Variants in MAP7D2 observed in about 807,000 individuals in gnomAD.
MAP7D2 encodes MAP7 domain-containing protein 2.
MAP7D2 carries 33 observed loss-of-function variants against 63.5 expected under a neutral mutation model. The ratio of observed to expected loss-of-function variants is 0.52; its 90% CI spans 0.39 to 0.70. The LOEUF (loss-of-function observed/expected upper bound fraction) is 0.70, where lower values mean the gene tolerates loss of function less well. Among genes scored for constraint, MAP7D2 ranks in the 30% least tolerant of loss-of-function variants. The pLI is 0.00. For synonymous variants in MAP7D2, 224 were observed against 223.7 expected (o/e 1.00, Z -0.01); for missense variants, 626 against 604.0 (o/e 1.04, Z -0.38).
intron 4 of MAP7D2, among the ~76,000 whole-genome samples, chrX:20,054,292 A>G (rs2037720882): frequency 8.9e-6 from 1 of 112,509 alleles, no homozygotes; most frequent in South Asian, 3.6e-4. Flanking sequence ...AAAACTAAAC[A>G]TTAGAAATTA....
At position 20,056,607 on chromosome X, in the gene MAP7D2, G is replaced by A. The variant is rs1173562210; in HGVS notation, c.484+73C>T. 7.0e-6 allele frequency: 6 copies of A among 861,730 alleles called. No individual in the cohort carries two copies. In the East Asian group the frequency reaches 1.9e-4, roughly 27 times the overall value. The allele number at this position is 861,730 out of a possible 1,213,427, so 71.0% of individuals were successfully genotyped here. On this transcript the variant is annotated intron_variant, in intron 4 of 16. Coordinates refer to ENST00000379643, the MANE Select transcript of MAP7D2 (RefSeq NM_001168465.2). ...CCCCAGATCCTGGAGACACCCAGTG[G>A]TGCCCATAATCCCCTGCCTGCTCCA...
At chrX:20,018,212 T>A (rs754356628) in intron 10 of MAP7D2, among the ~76,000 whole-genome samples, 165 of 110,239 alleles carry the variant, frequency 1.5e-3, no homozygotes, top group Non-Finnish European at 2.6e-3. Context: ...GTGATCTGCC[T>A]GCCTCGGCCT....
intron 10 of MAP7D2, among the ~76,000 whole-genome samples, chrX:20,020,337 C>T: frequency 9.0e-6 from 1 of 111,485 alleles, no homozygotes; most frequent in Non-Finnish European, 1.9e-5. Context: ...AGCAACCCTC[C>T]TCAGTCCTCT....
At chrX:20,056,082 A>T (rs2065062392) in intron 4 of MAP7D2, among the ~76,000 whole-genome samples, 1 of 111,943 alleles carries the variant, frequency 8.9e-6, no homozygotes, top group African/African-American at 3.3e-5. Flanking sequence ...TGCATAATAG[A>T]ATGCTAAGAT....
intron 5 of MAP7D2, among the ~76,000 whole-genome samples, chrX:20,051,556 C>CAAAA (rs199664149): frequency 9.8e-6 from 1 of 102,521 alleles, no homozygotes; most frequent in Non-Finnish European, 2.0e-5. Context: ...AAAAAAAAAA[C>CAAAA]AAACAAAAAA....
chrX:20,047,173 G>A (rs755982152), intron 6 of MAP7D2, among the ~76,000 whole-genome samples: 4 of 112,504 alleles, frequency 3.6e-5, no homozygotes, highest in South Asian at 3.6e-4. Flanking sequence ...TCAGGCAGCC[G>A]CCATAAAACC....
chrX:20,050,762 C>T (rs1400387178), intron 6 of MAP7D2, 62 bp downstream of exon 6: 22 of 1,098,682 alleles, frequency 2.0e-5, no homozygotes, highest in Non-Finnish European at 2.6e-5. Context: ...AGGAGTAAAT[C>T]CTAGGCTGAC....
intron 16 of MAP7D2, among the ~76,000 whole-genome samples, chrX:20,009,287 T>C (rs114190311): frequency 0.026 from 2,971 of 112,158 alleles, 112 homozygotes; most frequent in African/African-American, 0.092. Flanking sequence ...TGGACTGTTA[T>C]TTTGGCCAGT....
intron 8 of MAP7D2, among the ~76,000 whole-genome samples, chrX:20,038,446 G>T (rs1020359692): frequency 1.8e-5 from 2 of 111,839 alleles, no homozygotes; most frequent in African/African-American, 3.3e-5. Flanking sequence ...GCCTTTTGAA[G>T]TCACAATTAC....
Position 20,044,518 on chromosome X carries a change from T to C in MAP7D2, c.725A>G (p.His242Arg), listed in dbSNP as rs373832723. ...LSGQANDSVF[H>R]VCPRLAPLGP... is the part of the protein sequence containing the mutation. ...AAGAGGAGCTAAACGAGGACAGACA[T>C]GGAATACTAGAAAGTTACAGTATAA... Residue 242 changes from histidine (H) to arginine (R), a missense_variant, in exon 7 of 17, where the codon CAT becomes CGT. Physicochemically the swap from His to Arg is conservative, Grantham distance 29 (BLOSUM62 0). Transcript: ENST00000379643. 3 of 1,207,161 alleles carry C rather than the reference T, an allele frequency of 2.5e-6. No homozygotes were observed. Among genetic ancestry groups the C allele is most frequent in the Non-Finnish European group, 3.4e-6 (3 of 892,810 alleles).
intron 3 of MAP7D2, among the ~76,000 whole-genome samples, chrX:20,062,154 G>A (rs1325295125): frequency 8.9e-6 from 1 of 112,413 alleles, no homozygotes; most frequent in African/African-American, 3.2e-5. Context: ...ATTACTCTGT[G>A]CTAGGTGCTT....
At chrX:20,055,980 GC>G in intron 4 of MAP7D2, 1 of 271,631 alleles carries the variant, frequency 3.7e-6, no homozygotes, top group Non-Finnish European at 6.6e-6. Context: ...TATATTTACT[GC>G]CCAAAGGTGA....
rs1028586371 is a variant in MAP7D2 at position 20,012,461 on chromosome X, T to C, written c.1960A>G (p.Ile654Val). 9.9e-6 allele frequency: 12 copies of C among 1,207,341 alleles called. No individual in the cohort carries two copies. The highest frequency in any genetic ancestry group is 1.3e-5 in the Non-Finnish European group (12 of 893,754). Residue 654 changes from isoleucine (I) to valine (V), a missense_variant, in exon 15 of 17, where the codon ATT becomes GTT. Transcript: ENST00000379643. ...GCTGGCTTAAGCCCATTAGAGAAAATGTCTTGGGGATAAGTTTCTGGGGCA... is the reference window on the plus strand; with the variant it reads ...GCTGGCTTAAGCCCATTAGAGAAAACGTCTTGGGGATAAGTTTCTGGGGCA... ...HAAPETYPQD[I>V]FSNGLKPAGG...
chrX:20,098,558 G>A (rs374870678), intron 1 of MAP7D2, among the ~76,000 whole-genome samples: 3 of 99,933 alleles, frequency 3.0e-5, no homozygotes, highest in Non-Finnish European at 3.9e-5. Context: ...TCTACACGGT[G>A]GGGGGGGGAG....
intron 8 of MAP7D2, among the ~76,000 whole-genome samples, chrX:20,039,599 G>A (rs2064593893): frequency 9.0e-6 from 1 of 111,571 alleles, no homozygotes. Context: ...TTGTTCCTGG[G>A]TGTGTCTGTG....
At position 20,086,504 on chromosome X, in the gene MAP7D2, A is replaced by G. The variant is rs1458826127; in HGVS notation, c.131-21699T>C. Reference sequence around the variant, plus strand: ...GAGGTGGGGAGGAGAGAGTCAAAGGAGATCTGAAGTTTTCGGCCCAGGAAG... The same window carrying G: ...GAGGTGGGGAGGAGAGAGTCAAAGGGGATCTGAAGTTTTCGGCCCAGGAAG... On this transcript the variant is annotated intron_variant, in intron 1 of 16. Transcript: ENST00000379643. Among the ~76,000 whole-genome samples the G allele has an allele frequency of 5.4e-5, 6 of 112,064 alleles. No individual in the cohort carries two copies. In the Admixed American group the frequency reaches 5.7e-4, roughly 11 times the overall value.
intron 1 of MAP7D2, among the ~76,000 whole-genome samples, chrX:20,069,943 C>A (rs73631380): frequency 0.01 from 1,109 of 110,206 alleles, 11 homozygotes; most frequent in African/African-American, 0.035. Context: ...TTGGCTTTTT[C>A]TTTTCTTTCT....
chrX:20,035,669 T>C, intron 8 of MAP7D2, among the ~76,000 whole-genome samples: 1 of 110,448 alleles, frequency 9.1e-6, no homozygotes, highest in East Asian at 2.8e-4. Flanking sequence ...GGCAGGCATA[T>C]CACAAGGTCA....
At chrX:20,021,412 C>A (rs1306535855) in intron 10 of MAP7D2, 1 of 112,356 alleles carries the variant, frequency 8.9e-6, no homozygotes, top group Non-Finnish European at 1.9e-5. Flanking sequence ...GTGGCTTTAA[C>A]TATTAACTGT....
Sources: gnomAD v4.1 joint callset for allele counts (sites outside exome capture counted in the v4.1 genomes callset) on GRCh38, gnomAD v4.1.1 for gene constraint, MANE v1.5 for transcripts, NCBI Gene and HGNC (gene_info 2026-07-23, HGNC 2026-07-21) for gene names.